The following RTL4 variants were observed in gnomAD, a reference collection of about 807,000 sequenced individuals.
The protein encoded by RTL4 is retrotransposon Gag like 4.
In RTL4, 4 loss-of-function variants were observed where a neutral mutation model predicts 5.3. That is an observed-to-expected ratio of 0.75 (90% CI 0.37 to 1.72). RTL4 has a LOEUF of 1.72. RTL4 is among the 40% of genes most tolerant of loss of function. RTL4 has a pLI of 0.04. For missense variants in RTL4, 260 were observed against 227.1 expected, an observed-to-expected ratio of 1.14 and a Z score of -0.93; for synonymous variants, 98 against 87.3, an observed-to-expected ratio of 1.12 and a Z score of -0.68.
At chrX:112,312,827 C>T in the RTL4 span, among the ~76,000 whole-genome samples, 1 of 111,380 alleles carries the variant, frequency 9.0e-6, no homozygotes, top group African/African-American at 3.3e-5. Context: ...TCTCCCCAAA[C>T]CTTTCTCACA....
At chrX:112,159,578 G>T in the RTL4 span, among the ~76,000 whole-genome samples, 1 of 112,060 alleles carries the variant, frequency 8.9e-6, no homozygotes, top group Admixed American at 9.5e-5. Context: ...TATACACAAG[G>T]TATTTAATGA....
At chrX:112,358,600 T>G in the RTL4 span, among the ~76,000 whole-genome samples, 1 of 111,538 alleles carries the variant, frequency 9.0e-6, no homozygotes, top group African/African-American at 3.2e-5. Flanking sequence ...ACCCAGTCGC[T>G]CTACATCTTT....
the RTL4 span, among the ~76,000 whole-genome samples, chrX:112,431,529 T>C: frequency 2.3e-4 from 26 of 110,918 alleles, no homozygotes; most frequent in Middle Eastern, 4.7e-3. Context: ...ACTGCAGCAC[T>C]GGTTCCTATG....
At chrX:112,195,362 C>G in the RTL4 span, among the ~76,000 whole-genome samples, 1 of 111,984 alleles carries the variant, frequency 8.9e-6, no homozygotes, top group Non-Finnish European at 1.9e-5. Context: ...AGAAGACATT[C>G]AGTTAGTCGC....
chrX:112,169,003 C>CT, the RTL4 span, among the ~76,000 whole-genome samples: 32 of 70,520 alleles, frequency 4.5e-4, no homozygotes, highest in Non-Finnish European at 6.4e-4. Flanking sequence ...TCCTTTCTTT[C>CT]CTTTCTTTCT....
At chrX:112,189,956 A>C in the RTL4 span, among the ~76,000 whole-genome samples, 1 of 111,877 alleles carries the variant, frequency 8.9e-6, no homozygotes. Flanking sequence ...TTTATTTTTC[A>C]GAATTGCTGA....
chrX:112,403,267 G>A, the RTL4 span, among the ~76,000 whole-genome samples: 2 of 112,082 alleles, frequency 1.8e-5, no homozygotes, highest in African/African-American at 3.2e-5. Flanking sequence ...CCACAAAGCT[G>A]TTTGTTGTGC....
the RTL4 span, among the ~76,000 whole-genome samples, chrX:112,178,768 G>T: frequency 1.8e-5 from 2 of 110,527 alleles, no homozygotes; most frequent in Non-Finnish European, 3.8e-5. Context: ...TATATGCCAG[G>T]GACACTTCCA....
the RTL4 span, among the ~76,000 whole-genome samples, chrX:112,139,399 T>TA: frequency 8.9e-6 from 1 of 111,807 alleles, no homozygotes; most frequent in South Asian, 3.8e-4. Context: ...TAGGAATATT[T>TA]AAAAAAATTG....
the RTL4 span, among the ~76,000 whole-genome samples, chrX:112,152,060 T>G: frequency 3.6e-5 from 4 of 111,850 alleles, no homozygotes; most frequent in African/African-American, 1.3e-4. Flanking sequence ...GATAACGTTA[T>G]GATAACTTGA....
chrX:112,105,574 C>T, the RTL4 span, among the ~76,000 whole-genome samples: 1 of 110,726 alleles, frequency 9.0e-6, no homozygotes. Context: ...TCATCAGTAT[C>T]CTATAGTTTT....
At chrX:112,289,280 T>A in the RTL4 span, among the ~76,000 whole-genome samples, 1 of 111,924 alleles carries the variant, frequency 8.9e-6, no homozygotes, top group Non-Finnish European at 1.9e-5. Context: ...TAGGCTTAAC[T>A]CAAAAAGTAC....
At chrX:112,438,323 A>G in the RTL4 span, among the ~76,000 whole-genome samples, 1 of 111,586 alleles carries the variant, frequency 9.0e-6, no homozygotes, top group Admixed American at 9.5e-5. Flanking sequence ...GGACCTCTCC[A>G]TAAGGCTGCT....
At chrX:112,425,579 T>C in the RTL4 span, among the ~76,000 whole-genome samples, 1 of 111,525 alleles carries the variant, frequency 9.0e-6, no homozygotes. Context: ...CCACATCCTG[T>C]CCAGCATTTG....
At chrX:112,397,619 A>G in the RTL4 span, among the ~76,000 whole-genome samples, 2 of 112,181 alleles carry the variant, frequency 1.8e-5, no homozygotes, top group African/African-American at 6.5e-5. Flanking sequence ...GAGCTTTCCA[A>G]TGCATGAACA....
the RTL4 span, among the ~76,000 whole-genome samples, chrX:112,264,042 A>C: frequency 9.0e-6 from 1 of 111,700 alleles, no homozygotes; most frequent in Admixed American, 9.6e-5. Flanking sequence ...TTACTCAATG[A>C]AATAAGAGGC....
chrX:112,152,260 G>C, the RTL4 span, among the ~76,000 whole-genome samples: 1 of 111,829 alleles, frequency 8.9e-6, no homozygotes, highest in African/African-American at 3.2e-5. Flanking sequence ...AACATTCTAC[G>C]ACTTGAAATG....
chrX:112,331,833 A>G, the RTL4 span, among the ~76,000 whole-genome samples: 1 of 93,869 alleles, frequency 1.1e-5, no homozygotes, highest in Non-Finnish European at 2.1e-5. Context: ...CAGCCATAAA[A>G]AATGATGAGT....
chrX:112,305,795 T>C, the RTL4 span, among the ~76,000 whole-genome samples: 1 of 112,045 alleles, frequency 8.9e-6, no homozygotes, highest in Non-Finnish European at 1.9e-5. Context: ...CAGAGGGACA[T>C]TGTGTAATTT....
Sources: allele counts gnomAD v4.1 joint callset (sites outside exome capture counted in the v4.1 genomes callset), GRCh38; gene constraint gnomAD v4.1.1; transcripts MANE v1.5; gene names NCBI Gene and HGNC (gene_info 2026-07-23, HGNC 2026-07-21).